Variants in PCDH9 observed in about 807,000 individuals in gnomAD.
PCDH9 encodes the protein protocadherin 9.
Under a neutral mutation model 70.6 loss-of-function variants are expected in PCDH9, and 24 were observed. The observed-to-expected ratio is 0.34, with a 90% CI of 0.25 to 0.48. The LOEUF is 0.48. PCDH9 is among the 20% of genes least tolerant of loss of function. The pLI, the probability that PCDH9 is intolerant of heterozygous loss-of-function variation, is 0.99. For synonymous variants in PCDH9, 562 were observed against 558.5 expected, an observed-to-expected ratio of 1.01 and a Z score of -0.09; for missense variants, 1,281 against 1,503.6, an observed-to-expected ratio of 0.85 and a Z score of 2.45.
intron 2 of PCDH9, among the ~76,000 whole-genome samples, chr13:67,008,827 A>C (rs368662727): frequency 2.0e-5 from 3 of 152,192 alleles, no homozygotes; most frequent in Middle Eastern, 3.4e-3. Context: ...AATCTAGCCA[A>C]TTCTGAATAC....
chr13:67,083,342 C>T (rs917249613), intron 2 of PCDH9, among the ~76,000 whole-genome samples: 2 of 152,062 alleles, frequency 1.3e-5, no homozygotes, highest in African/African-American at 4.8e-5. Context: ...GTGATGTCTA[C>T]TGGGAATCAT....
chr13:66,899,084 T>C (rs1407702176), intron 3 of PCDH9, among the ~76,000 whole-genome samples: 1 of 152,076 alleles, frequency 6.6e-6, no homozygotes, highest in East Asian at 1.9e-4. Flanking sequence ...CATATTTTAA[T>C]TCTATTAAAT....
intron 2 of PCDH9, among the ~76,000 whole-genome samples, chr13:67,197,675 T>C (rs2089104429): frequency 6.6e-6 from 1 of 151,962 alleles, no homozygotes; most frequent in Admixed American, 6.6e-5. Flanking sequence ...ATAAAGCTTT[T>C]TAGAAATGAC....
intron 2 of PCDH9, among the ~76,000 whole-genome samples, chr13:67,004,239 A>C (rs1480299593): frequency 6.6e-6 from 1 of 152,118 alleles, no homozygotes; most frequent in Non-Finnish European, 1.5e-5. Context: ...CCTTTAAAAT[A>C]TTCCCACAAA....
At chr13:66,469,407 A>C (rs1958574090) in intron 4 of PCDH9, among the ~76,000 whole-genome samples, 1 of 150,958 alleles carries the variant, frequency 6.6e-6, no homozygotes, top group Non-Finnish European at 1.5e-5. Context: ...GAAAAAAGAA[A>C]GGATGGAAGG....
At chr13:66,950,103 A>T (rs1207549444) in intron 2 of PCDH9, among the ~76,000 whole-genome samples, 2 of 152,118 alleles carry the variant, frequency 1.3e-5, no homozygotes, top group African/African-American at 4.8e-5. Context: ...TTATATAAAT[A>T]TTAAATTAAG....
chr13:67,075,802 T>C (rs1251210046), intron 2 of PCDH9, among the ~76,000 whole-genome samples: 3 of 152,022 alleles, frequency 2.0e-5, no homozygotes, highest in African/African-American at 7.2e-5. Context: ...ATTAAGAAAA[T>C]AACAAATAAA....
chr13:66,727,434 GCTTT>G (rs2079019970), intron 3 of PCDH9, among the ~76,000 whole-genome samples: 1 of 151,804 alleles, frequency 6.6e-6, no homozygotes. Context: ...TTCCTTCTAT[GCTTT>G]CTTTTTCAAA....
At chr13:67,049,126 G>T (rs1335171251) in intron 2 of PCDH9, among the ~76,000 whole-genome samples, 1 of 152,044 alleles carries the variant, frequency 6.6e-6, no homozygotes, top group African/African-American at 2.4e-5. Context: ...AGTACTTCTT[G>T]TTCTAATGAA....
chr13:67,089,088 AT>A (rs1235756812), intron 2 of PCDH9, among the ~76,000 whole-genome samples: 1 of 152,048 alleles, frequency 6.6e-6, no homozygotes. Flanking sequence ...GACTACACAT[AT>A]CAAAATTAGG....
Position 66,369,349 on chromosome 13 carries a change from C to A in PCDH9, c.3341-64321G>T, listed in dbSNP as rs374098720. Among the ~76,000 whole-genome samples the A allele has an allele frequency of 2.3e-4, 35 of 152,226 alleles. 1 individual carries two copies. The East Asian group carries it at 4.6e-3, about 20-fold the overall frequency. Reference sequence around the variant, plus strand: ...CTTTGATATACCACTTATACTAACACAATTTTGTTTCCTATAGTTAGTTTA... The same window carrying A: ...CTTTGATATACCACTTATACTAACAAAATTTTGTTTCCTATAGTTAGTTTA... On this transcript the variant is annotated intron_variant, in intron 4 of 4. Coordinates refer to ENST00000377865, the MANE Select transcript of PCDH9 (RefSeq NM_203487.3).
chr13:67,061,950 T>C (rs1297692596), intron 2 of PCDH9, among the ~76,000 whole-genome samples: 1 of 152,182 alleles, frequency 6.6e-6, no homozygotes, highest in Non-Finnish European at 1.5e-5. Flanking sequence ...TGAACTGATG[T>C]AATCTCAGTA....
chr13:66,739,976 C>G (rs371353785), intron 3 of PCDH9, among the ~76,000 whole-genome samples: 1 of 151,542 alleles, frequency 6.6e-6, no homozygotes, highest in South Asian at 2.1e-4. Flanking sequence ...GAATTCAGCT[C>G]TGCACCAAGC....
At chr13:66,653,007 A>C (rs2077874660) in intron 3 of PCDH9, among the ~76,000 whole-genome samples, 1 of 152,188 alleles carries the variant, frequency 6.6e-6, no homozygotes, top group South Asian at 2.1e-4. Context: ...AAATGTATTA[A>C]AGACTTAAAT....
At chr13:66,797,758 T>C (rs2080266452) in intron 3 of PCDH9, among the ~76,000 whole-genome samples, 1 of 147,356 alleles carries the variant, frequency 6.8e-6, no homozygotes, top group Non-Finnish European at 1.5e-5. Flanking sequence ...ATATTGCTTA[T>C]TTTTTTAATA....
intron 4 of PCDH9, among the ~76,000 whole-genome samples, chr13:66,458,561 C>T (rs749770685): frequency 6.6e-6 from 1 of 151,904 alleles, no homozygotes; most frequent in African/African-American, 2.4e-5. Context: ...CCATCCTTTC[C>T]AAAGGTAGCG....
intron 2 of PCDH9, among the ~76,000 whole-genome samples, chr13:67,075,939 A>G (rs1031447197): frequency 2.0e-5 from 3 of 152,170 alleles, no homozygotes; most frequent in African/African-American, 7.2e-5. Flanking sequence ...AGAATTTGGG[A>G]AAAACGTGGC....
chr13:66,588,767 A>G (rs1455098873), intron 4 of PCDH9, among the ~76,000 whole-genome samples: 1 of 150,078 alleles, frequency 6.7e-6, no homozygotes, highest in African/African-American at 2.4e-5. Flanking sequence ...AGCTGACAGT[A>G]TGATATATGC....
At chr13:66,798,658 G>A (rs542947705) in intron 3 of PCDH9, among the ~76,000 whole-genome samples, 10 of 152,150 alleles carry the variant, frequency 6.6e-5, no homozygotes, top group East Asian at 5.8e-4. Flanking sequence ...CATCTTCATC[G>A]CCTTCCCAAT....
Sources: allele counts gnomAD v4.1 joint callset (sites outside exome capture counted in the v4.1 genomes callset), GRCh38; gene constraint gnomAD v4.1.1; transcripts MANE v1.5; gene names NCBI Gene and HGNC (gene_info 2026-07-23, HGNC 2026-07-21).